Variants in FBP2 observed in about 807,000 individuals in gnomAD.
FBP2 encodes fructose-1,6-bisphosphatase isozyme 2.
FBP2 carries 27 observed loss-of-function variants against 31.6 expected under a neutral mutation model. That is an observed-to-expected ratio of 0.85 (90% CI 0.63 to 1.18). The LOEUF is 1.18. Ranked by LOEUF, FBP2 falls within the 50% of genes most tolerant of loss-of-function variation. FBP2 has a pLI of 0.00. For missense variants in FBP2, 421 were observed against 436.1 expected (o/e 0.97, Z 0.31); for synonymous variants, 168 against 179.8 (o/e 0.93, Z 0.53).
intron 6 of FBP2, among the ~76,000 whole-genome samples, chr9:94,561,718 C>T (rs1412621397): frequency 6.6e-6 from 1 of 152,166 alleles, no homozygotes; most frequent in Admixed American, 6.5e-5. Flanking sequence ...GATGCAGACA[C>T]ACACAGGATA....
intron 5 of FBP2, among the ~76,000 whole-genome samples, chr9:94,564,983 A>G (rs375083871): frequency 3.5e-4 from 54 of 152,352 alleles, no homozygotes; most frequent in African/African-American, 1.2e-3. Flanking sequence ...GAGATGATGG[A>G]TTTCCTAATT....
chr9:94,563,539 G>C, intron 5 of FBP2, 78 bp from the exon 6 acceptor site: 2 of 1,537,494 alleles, frequency 1.3e-6, no homozygotes, highest in Non-Finnish European at 1.8e-6. Flanking sequence ...CACAAGTCCA[G>C]TTGGTGTGAC....
intron 4 of FBP2, chr9:94,569,848 C>T (rs1237034123): frequency 3.3e-5 from 5 of 152,258 alleles, no homozygotes; most frequent in Non-Finnish European, 7.3e-5. Context: ...TGCAATCCCA[C>T]AGACCTCACA....
chr9:94,565,764 C>CATAGATGATAG (rs1426666488), intron 5 of FBP2, among the ~76,000 whole-genome samples: 134 of 60,208 alleles, frequency 2.2e-3, no homozygotes, highest in African/African-American at 6.2e-3. Flanking sequence ...AAAATAGATA[C>CATAGATGATAG]ATAGATGATA....
intron 2 of FBP2, 95 bp from the exon 3 acceptor site, chr9:94,584,764 C>T: frequency 1.3e-6 from 1 of 741,816 alleles, no homozygotes; most frequent in South Asian, 1.6e-5. Context: ...TACACCACAT[C>T]AAAAAGAGAT....
At chr9:94,575,138 C>T (rs1827303733) in intron 3 of FBP2, among the ~76,000 whole-genome samples, 1 of 152,098 alleles carries the variant, frequency 6.6e-6, no homozygotes, top group African/African-American at 2.4e-5. Flanking sequence ...CTTAATGGTA[C>T]ATCTTGATAA....
rs1415165665 is a variant in FBP2 at position 94,583,595 on chromosome 9, T to C, written c.426+982A>G. 4.6e-5 allele frequency among the ~76,000 whole-genome samples: 7 copies of C among 152,308 alleles called. No homozygotes were observed. In the East Asian group the frequency reaches 1.3e-3, roughly 29 times the overall value. On this transcript the variant is annotated intron_variant, in intron 3 of 6. Coordinates refer to ENST00000375337, the MANE Select transcript of FBP2 (RefSeq NM_003837.4). Reference sequence around the variant, plus strand: ...AACTGGCACTCTGCTTATTTTTCTCTTTGGTTGCTATGGATTGTTTGTTTG... The same window carrying C: ...AACTGGCACTCTGCTTATTTTTCTCCTTGGTTGCTATGGATTGTTTGTTTG...
At chr9:94,578,930 G>T (rs1485128727) in intron 3 of FBP2, among the ~76,000 whole-genome samples, 7 of 150,482 alleles carry the variant, frequency 4.7e-5, no homozygotes, top group African/African-American at 1.7e-4. Context: ...GCGGGCACCT[G>T]TAGTCCCAGC....
intron 6 of FBP2, among the ~76,000 whole-genome samples, chr9:94,560,828 G>C (rs563588229): frequency 6.6e-6 from 1 of 150,430 alleles, no homozygotes; most frequent in Non-Finnish European, 1.5e-5. Flanking sequence ...TGATGCCTTT[G>C]GTCTAGGCTG....
intron 3 of FBP2, among the ~76,000 whole-genome samples, chr9:94,572,392 C>G (rs550590338): frequency 3.3e-5 from 5 of 152,196 alleles, no homozygotes; most frequent in Admixed American, 2.0e-4. Flanking sequence ...CAAACTGGCC[C>G]AATGTGAGTC....
At position 94,587,322 on chromosome 9, in the gene FBP2, G is replaced by A. The variant is rs756359659; in HGVS notation, c.318C>T (p.Thr106=). 41 of 1,611,710 alleles carry A rather than the reference G, an allele frequency of 2.5e-5. No individual in the cohort carries two copies. In the East Asian group the frequency reaches 2.7e-4, roughly 11 times the overall value. The change falls in exon 2 of 7, where the codon ACC becomes ACT. Residue 106 remains threonine, a synonymous_variant. Coordinates refer to ENST00000375337, the MANE Select transcript of FBP2 (RefSeq NM_003837.4). The part of the protein sequence containing the change: ...VSEENKDAII[T]AKEKRGKYVV... ...CATGACGCACCCGCTTCTCCTTGGC[G>A]GTGATGATGGCGTCCTTATTCTCTT...
chr9:94,563,993 T>A (rs998307367), intron 5 of FBP2, among the ~76,000 whole-genome samples: 1 of 152,074 alleles, frequency 6.6e-6, no homozygotes, highest in African/African-American at 2.4e-5. Context: ...ATAAAGCAAG[T>A]CCTTAGAGAC....
At chr9:94,582,693 ACCC>A (rs1204297871) in intron 3 of FBP2, among the ~76,000 whole-genome samples, 1 of 151,176 alleles carries the variant, frequency 6.6e-6, no homozygotes, top group Admixed American at 6.6e-5. Flanking sequence ...GACTACAGGC[ACCC>A]ACCACCACGC....
Position 94,584,570 on chromosome 9 carries a change from T to C in FBP2, c.426+7A>G. On this transcript the variant is annotated splice_region_variant and intron_variant, in intron 3 of 6. Coordinates refer to ENST00000375337, the MANE Select transcript of FBP2 (RefSeq NM_003837.4). ...AGGAGGTGTAAAATGTCAGCCTGTC[T>C]ACTCACCTTTCTATAGATGGCAAAG... 6.3e-7 allele frequency: 1 copy of C among 1,580,276 alleles called. No homozygotes were observed. The highest frequency in any genetic ancestry group is 8.7e-7 in the Non-Finnish European group (1 of 1,149,230).
intron 3 of FBP2, among the ~76,000 whole-genome samples, chr9:94,572,179 G>C (rs1188434183): frequency 1.3e-5 from 2 of 152,112 alleles, no homozygotes; most frequent in African/African-American, 4.8e-5. Flanking sequence ...CTCTTCCTCT[G>C]ATTCCTTAAA....
chr9:94,563,581 A>C, intron 5 of FBP2, 120 bp from the exon 6 acceptor site: 1 of 1,052,554 alleles, frequency 9.5e-7, no homozygotes, highest in Non-Finnish European at 1.4e-6. Flanking sequence ...TCCTCCACCC[A>C]CTAGTGTAGG....
At chr9:94,561,631 C>G (rs1226774142) in intron 6 of FBP2, among the ~76,000 whole-genome samples, 4 of 152,086 alleles carry the variant, frequency 2.6e-5, no homozygotes, top group Non-Finnish European at 4.4e-5. Flanking sequence ...TCCCAAAGTA[C>G]TAGGATTACA....
intron 1 of FBP2, among the ~76,000 whole-genome samples, chr9:94,587,741 C>G (rs1363967485): frequency 6.6e-6 from 1 of 152,114 alleles, no homozygotes; most frequent in Admixed American, 6.6e-5. Flanking sequence ...AGTCTCAGCA[C>G]GAGGAGATGG....
chr9:94,564,694 AAAGAT>A (rs935976359), intron 5 of FBP2, among the ~76,000 whole-genome samples: 21 of 152,174 alleles, frequency 1.4e-4, no homozygotes, highest in Admixed American at 7.9e-4. Flanking sequence ...GAGGAGCAGA[AAAGAT>A]AAGTATTGGA....
Sources: gnomAD v4.1 joint callset for allele counts (sites outside exome capture counted in the v4.1 genomes callset) on GRCh38, gnomAD v4.1.1 for gene constraint, MANE v1.5 for transcripts, NCBI Gene and HGNC (gene_info 2026-07-23, HGNC 2026-07-21) for gene names.